The following BRPF3 variants were observed in gnomAD, a reference collection of about 807,000 sequenced individuals.
The protein encoded by BRPF3 is bromodomain and PHD finger-containing protein 3.
A neutral mutation model predicts 102.0 loss-of-function variants in BRPF3; 18 were observed. That is an observed-to-expected ratio of 0.18 (90% confidence interval 0.12 to 0.26). The LOEUF (loss-of-function observed/expected upper bound fraction) is 0.26. BRPF3 is among the 10% of genes least tolerant of loss of function. The probability of loss-of-function intolerance (pLI) is 1.00; values close to 1 mark genes in which losing one functional copy is unlikely to be tolerated. For missense variants in BRPF3, 1,147 were observed against 1,567.8 expected, an observed-to-expected ratio of 0.73 and a Z score of 4.53; for synonymous variants, 570 against 614.2, an observed-to-expected ratio of 0.93 and a Z score of 1.06.
intron 9 of BRPF3, among the ~76,000 whole-genome samples, chr6:36,221,208 CTTATCACTTT>C (rs1048492162): frequency 5.3e-4 from 79 of 149,286 alleles, no homozygotes; most frequent in African/African-American, 1.8e-3. Flanking sequence ...CTAATTTTTG[CTTATCACTTT>C]TTAGTCTTTG....
chr6:36,228,242 C>G (rs982659603), intron 11 of BRPF3, among the ~76,000 whole-genome samples: 5 of 152,182 alleles, frequency 3.3e-5, no homozygotes, highest in African/African-American at 4.8e-5. Context: ...TGAAAGTGCT[C>G]CCTAGACCTG....
chr6:36,230,763 T>G lies in BRPF3; in HGVS notation c.*154T>G. On this transcript the variant is annotated 3_prime_UTR_variant, in exon 13 of 13. Transcript: ENST00000357641. The surrounding 1 kb of genome is among the most constrained non-coding windows in gnomAD (Gnocchi z 5.4). Reference sequence around the variant, plus strand: ...CTCCCCACTAAGGGCAAGGCCCCAGTTTTGACCAATCGCATGGTTCTCCTG... The same window carrying G: ...CTCCCCACTAAGGGCAAGGCCCCAGGTTTGACCAATCGCATGGTTCTCCTG... The G allele has an allele frequency of 1.0e-6, 1 of 963,894 alleles. No individual in the cohort carries two copies. Among genetic ancestry groups the G allele is most frequent in the Non-Finnish European group, 1.5e-6 (1 of 661,402 alleles). 59.7% of individuals were successfully genotyped at this position (963,894 alleles called of 1,614,324 possible).
intron 7 of BRPF3, among the ~76,000 whole-genome samples, chr6:36,213,517 G>T (rs1293075075): frequency 6.6e-6 from 1 of 152,058 alleles, no homozygotes; most frequent in Admixed American, 6.6e-5. Flanking sequence ...AACACAGTAA[G>T]ACCCTGTCTC....
chr6:36,211,676 G>T, intron 7 of BRPF3, 116 bp downstream of exon 7: 1 of 1,271,644 alleles, frequency 7.9e-7, no homozygotes. Flanking sequence ...TTGTGGGCAA[G>T]CAAAAGTGCT....
At chr6:36,219,543 A>G (rs756892850) in intron 9 of BRPF3, among the ~76,000 whole-genome samples, 3 of 152,160 alleles carry the variant, frequency 2.0e-5, no homozygotes, top group Non-Finnish European at 4.4e-5. Context: ...TATGAAGGGC[A>G]TTCTTTTCAG....
chr6:36,221,575 A>ACACCC (rs1332515060), intron 9 of BRPF3, among the ~76,000 whole-genome samples: 1 of 152,086 alleles, frequency 6.6e-6, no homozygotes, highest in African/African-American at 2.4e-5. Flanking sequence ...GTGAGCCACC[A>ACACCC]CACCCAGCCC....
Position 36,210,494 on chromosome 6 carries a change from A to G in BRPF3, c.2145A>G (p.Lys715=). The change falls in exon 6 of 13, where the codon AAA becomes AAG. Residue 715 remains lysine, a synonymous_variant. Coordinates refer to ENST00000357641, the MANE Select transcript of BRPF3 (RefSeq NM_015695.3). The surrounding 1 kb of genome is among the most constrained non-coding windows in gnomAD (Gnocchi z 4.7). ...GCACTCACCTGCCCGAGTCACCCAA[A>G]TTGGAAGACTTTTACCGCTTCTCCT... The part of the protein sequence containing the change: ...ERGTHLPESP[K]LEDFYRFSWE... 6.2e-7 allele frequency: 1 copy of G among 1,601,282 alleles called. No homozygotes were observed. The highest frequency in any genetic ancestry group is 1.1e-5 in the South Asian group (1 of 90,934).
intron 10 of BRPF3, 37 bp from the exon 11 acceptor site, chr6:36,225,230 C>T: frequency 9.5e-6 from 15 of 1,580,030 alleles, no homozygotes; most frequent in Non-Finnish European, 1.3e-5. Flanking sequence ...TTCCAAGTCC[C>T]CTTTGGGTGC....
At position 36,230,295 on chromosome 6, in the gene BRPF3, C is replaced by T. The variant is rs190897062; in HGVS notation, c.3435-131C>T. 30 of 764,940 alleles carry T rather than the reference C, an allele frequency of 3.9e-5. No homozygotes were observed. The highest frequency in any genetic ancestry group is 3.4e-4 in the Middle Eastern group (1 of 2,976). 47.4% of individuals were successfully genotyped at this position (764,940 alleles called of 1,614,324 possible). On this transcript the variant is annotated intron_variant, in intron 12 of 12. Transcript: ENST00000357641. The surrounding 1 kb of genome is among the most constrained non-coding windows in gnomAD (Gnocchi z 5.4). ...TTCTTGGTGGCCTCCTGCATGGAGT[C>T]CCCCAATTTGCTTCCCTCTGCCCTG...
intron 8 of BRPF3, among the ~76,000 whole-genome samples, chr6:36,217,004 A>AC (rs1768351229): frequency 6.6e-6 from 1 of 152,108 alleles, no homozygotes. Context: ...ACACCACTGC[A>AC]CTCCGCCTGG....
At position 36,201,910 on chromosome 6, in the gene BRPF3, C is replaced by T. The variant is rs1297286101; in HGVS notation, c.1448+140C>T. ...TTAAACTCTTCCTTTTGACCCCAGG[C>T]TCACCTGGCCTGGTTTGTGGTTTTG... On this transcript the variant is annotated intron_variant, in intron 2 of 12. Transcript: ENST00000357641. This position sits in a 1 kb window ranked among gnomAD's most constrained non-coding sequence, Gnocchi z 5.1. The T allele has an allele frequency of 7.8e-6, 10 of 1,282,214 alleles. No homozygotes were observed. The highest frequency in any genetic ancestry group is 1.1e-5 in the Non-Finnish European group (10 of 950,318). 79.4% of individuals were successfully genotyped at this position (1,282,214 alleles called of 1,614,324 possible). A position where few individuals can be genotyped will look rare whatever the true frequency, so the allele number is the denominator to read the frequency against.
intron 3 of BRPF3, among the ~76,000 whole-genome samples, chr6:36,207,090 C>T (rs955989499): frequency 6.6e-6 from 1 of 152,092 alleles, no homozygotes; most frequent in African/African-American, 2.4e-5. Context: ...AGTCCCAGAT[C>T]CTACTCCAGC....
chr6:36,200,142 A>G lies in BRPF3; in HGVS notation c.-26-155A>G, dbSNP rs1038650438. ...TTCACTTGAAGAAATGAAAGACTCA[A>G]AGGAAGTGAAGGAGCAAGCCATGTG... On this transcript the variant is annotated intron_variant, in intron 1 of 12. Coordinates refer to ENST00000357641, the MANE Select transcript of BRPF3 (RefSeq NM_015695.3). This position sits in a 1 kb window ranked among gnomAD's most constrained non-coding sequence, Gnocchi z 5.3. 5.3e-5 allele frequency among the ~76,000 whole-genome samples: 8 copies of G among 152,310 alleles called. No individual in the cohort carries two copies. The highest frequency in any genetic ancestry group is 6.8e-3 in the Middle Eastern group (2 of 294).
chr6:36,207,532 G>A, intron 4 of BRPF3, 88 bp downstream of exon 4: 1 of 1,503,250 alleles, frequency 6.7e-7, no homozygotes, highest in Non-Finnish European at 8.9e-7. Context: ...GGGAGCCCCT[G>A]CCTTATGCTA....
Position 36,231,930 on chromosome 6 carries a change from T to C in BRPF3, c.*1321T>C, listed in dbSNP as rs1387111914. On this transcript the variant is annotated 3_prime_UTR_variant, in exon 13 of 13. Coordinates refer to ENST00000357641, the MANE Select transcript of BRPF3 (RefSeq NM_015695.3). ...TGAGCACCAAAGTCGCAGGGCCAGT[T>C]GCAGGCCGCTGATTGCCATGTTGAT... 6.5e-6 allele frequency: 1 copy of C among 152,686 alleles called. No individual in the cohort carries two copies. Among genetic ancestry groups the C allele is most frequent in the Non-Finnish European group, 1.5e-5 (1 of 68,052 alleles). The allele number at this position is 152,686 out of a possible 1,614,324, so 9.5% of individuals were successfully genotyped here.
chr6:36,197,882 C>G (rs1767561966), intron 1 of BRPF3, among the ~76,000 whole-genome samples: 1 of 152,038 alleles, frequency 6.6e-6, no homozygotes, highest in Admixed American at 6.5e-5. Flanking sequence ...CTTGCATGGT[C>G]GAGAGATGCT....
chr6:36,210,182 G>A lies in BRPF3; in HGVS notation c.1867-34G>A, dbSNP rs1768050657. 6.2e-7 allele frequency: 1 copy of A among 1,609,232 alleles called. No homozygotes were observed. The highest frequency in any genetic ancestry group is 8.5e-7 in the Non-Finnish European group (1 of 1,175,804). On this transcript the variant is annotated intron_variant, in intron 5 of 12. Coordinates refer to ENST00000357641, the MANE Select transcript of BRPF3 (RefSeq NM_015695.3). The surrounding 1 kb of genome is among the most constrained non-coding windows in gnomAD (Gnocchi z 4.7). ...GGGTGTGTCTGTTTGGCTAGTAAATGGTTGTTGTAATTGTACAGGTTTTAT... is the reference window on the plus strand; with the variant it reads ...GGGTGTGTCTGTTTGGCTAGTAAATAGTTGTTGTAATTGTACAGGTTTTAT...
rs1008915713 is a variant in BRPF3 at position 36,211,275 on chromosome 6, C to G, written c.2197C>G (p.Pro733Ala). ...CCTGGCAGTGGACAACATCCTCATCCCAGAGAACCGGGCCCATTTGTCCCC... is the reference window on the plus strand; with the variant it reads ...CCTGGCAGTGGACAACATCCTCATCGCAGAGAACCGGGCCCATTTGTCCCC... ...SWEDVDNILI[P>A]ENRAHLSPEV... The change falls in exon 7 of 13, where the codon CCA (proline) becomes GCA (alanine). Residue 733 changes from proline to alanine, a missense_variant. Physicochemically the swap from Pro to Ala is conservative, Grantham distance 27 (BLOSUM62 -1). Around this residue, in one of 11 missense-constraint regions of BRPF3, gnomAD observed 109 missense variants for 175.1 expected, o/e 0.62. Transcript: ENST00000357641. The G allele has an allele frequency of 6.2e-7, 1 of 1,613,660 alleles. No individual in the cohort carries two copies. Among genetic ancestry groups the G allele is most frequent in the African/African-American group, 1.3e-5 (1 of 74,936 alleles).
chr6:36,218,054 C>A, intron 9 of BRPF3, 44 bp downstream of exon 9: 1 of 1,508,584 alleles, frequency 6.6e-7, no homozygotes, highest in Non-Finnish European at 9.1e-7. Context: ...TCTGCTACCC[C>A]TCCTTTTACT....
Sources: allele counts gnomAD v4.1 joint callset (sites outside exome capture counted in the v4.1 genomes callset), GRCh38; gene constraint gnomAD v4.1.1; regional missense constraint gnomAD v4.1.1; non-coding constraint Gnocchi (gnomAD v3.1); transcripts MANE v1.5; gene names NCBI Gene and HGNC (gene_info 2026-07-23, HGNC 2026-07-21).